RPTOR: variants seen among roughly 807,000 people sequenced by gnomAD.
RPTOR encodes regulatory associated protein of MTOR complex 1.
In RPTOR, 21 loss-of-function variants were observed where a neutral mutation model predicts 169.9. That is an observed-to-expected ratio of 0.12 (90% confidence interval 0.09 to 0.18). The LOEUF is 0.18. RPTOR is among the 10% of genes least tolerant of loss of function. The pLI is 1.00. For missense variants in RPTOR, 1,133 were observed against 1,855.9 expected, an observed-to-expected ratio of 0.61 and a Z score of 7.16; for synonymous variants, 732 against 753.2, an observed-to-expected ratio of 0.97 and a Z score of 0.46.
chr17:80,899,763 C>T (rs34030809), intron 20 of RPTOR, among the ~76,000 whole-genome samples: 1 of 152,174 alleles, frequency 6.6e-6, no homozygotes, highest in Non-Finnish European at 1.5e-5. Context: ...TTGAATTTTG[C>T]GTAACTTCAC....
Position 80,820,232 on chromosome 17 carries a change from C to G in RPTOR, c.891-1969C>G, listed in dbSNP as rs9895510. ...GGGCAGGCAGCGCTCGGTGACAGTC[C>G]TGCAGCTTGAAAGAGGCGGTGTTTT... is the stretch of plus-strand genomic sequence containing the variant. On this transcript the variant is annotated intron_variant, in intron 7 of 33. Coordinates refer to ENST00000306801, the MANE Select transcript of RPTOR (RefSeq NM_020761.3). This position sits in a 1 kb window ranked among gnomAD's most constrained non-coding sequence, Gnocchi z 4.1. Among the ~76,000 whole-genome samples the G allele has an allele frequency of 0.16, 24,108 of 151,508 alleles. 2,002 individuals are homozygous for G. The highest frequency in any genetic ancestry group is 0.22 in the Middle Eastern group (64 of 290).
intron 13 of RPTOR, among the ~76,000 whole-genome samples, chr17:80,859,215 C>A (rs1317445778): frequency 6.6e-6 from 1 of 152,130 alleles, no homozygotes. Flanking sequence ...TGATGGCAGG[C>A]GAGACCCTCG....
intron 1 of RPTOR, among the ~76,000 whole-genome samples, chr17:80,577,769 G>A (rs1245233705): frequency 3.9e-5 from 6 of 152,184 alleles, no homozygotes; most frequent in East Asian, 3.9e-4. Context: ...CATTCTCTTC[G>A]AAGGGCCTTG....
At chr17:80,951,446 G>A (rs969823441) in intron 28 of RPTOR, among the ~76,000 whole-genome samples, 3 of 152,186 alleles carry the variant, frequency 2.0e-5, no homozygotes, top group African/African-American at 7.2e-5. Context: ...GTCAGAGAAC[G>A]AGGCTCTCAC....
At chr17:80,817,625 G>C (rs1272278843) in intron 7 of RPTOR, among the ~76,000 whole-genome samples, 1 of 152,134 alleles carries the variant, frequency 6.6e-6, no homozygotes, top group Non-Finnish European at 1.5e-5. Context: ...ACAGGGAGCC[G>C]GGCAGGTCCG....
At chr17:80,554,539 C>T (rs1027225794) in intron 1 of RPTOR, among the ~76,000 whole-genome samples, 5 of 151,912 alleles carry the variant, frequency 3.3e-5, no homozygotes, top group Non-Finnish European at 7.4e-5. Context: ...GTCAGGAGAT[C>T]AAGACCATCC....
Position 80,960,325 on chromosome 17 carries a change from G to A in RPTOR, c.3605+120G>A, listed in dbSNP as rs1209562346. 9.5e-6 allele frequency: 13 copies of A among 1,368,602 alleles called. No homozygotes were observed. Among genetic ancestry groups the A allele is most frequent in the Non-Finnish European group, 1.2e-5 (12 of 995,296 alleles). 84.8% of individuals were successfully genotyped at this position (1,368,602 alleles called of 1,614,324 possible). A position where few individuals can be genotyped will look rare whatever the true frequency, so the allele number is the denominator to read the frequency against. Reference sequence around the variant, plus strand: ...CTCAGTGAGATGCAAAGCTTCCCCAGGAGCCTGCAGTGGCGTATTTAGGCC... The same window carrying A: ...CTCAGTGAGATGCAAAGCTTCCCCAAGAGCCTGCAGTGGCGTATTTAGGCC... On this transcript the variant is annotated intron_variant, in intron 30 of 33. Coordinates refer to ENST00000306801, the MANE Select transcript of RPTOR (RefSeq NM_020761.3). The surrounding 1 kb of genome is among the most constrained non-coding windows in gnomAD (Gnocchi z 4.8).
Position 80,736,290 on chromosome 17 carries a change from C to G in RPTOR, c.654+5584C>G, listed in dbSNP as rs1360403388. Among the ~76,000 whole-genome samples the G allele has an allele frequency of 3.9e-5, 6 of 152,148 alleles. No homozygotes were observed. In the East Asian group the frequency reaches 1.2e-3, roughly 29 times the overall value. ...CGAGTAACTCGTGTTTGTGTGGTGT[C>G]TCTAAACACAATTGTGTGGTCCAGT... On this transcript the variant is annotated intron_variant, in intron 5 of 33. Coordinates refer to ENST00000306801, the MANE Select transcript of RPTOR (RefSeq NM_020761.3).
rs533608881 is a variant in RPTOR at position 80,965,167 on chromosome 17, C to T, written c.*837C>T. On this transcript the variant is annotated 3_prime_UTR_variant, in exon 34 of 34. Coordinates refer to ENST00000306801, the MANE Select transcript of RPTOR (RefSeq NM_020761.3). ...GAAGGGCTGCTCTTCCCCACAGGCG[C>T]GGGGACAGCAGCCCGACCTGTGGTC... 77 of 233,304 alleles carry T rather than the reference C, an allele frequency of 3.3e-4. No homozygotes were observed. Among genetic ancestry groups the T allele is most frequent in the African/African-American group, 1.6e-3 (74 of 45,468 alleles). 14.5% of individuals were successfully genotyped at this position (233,304 alleles called of 1,614,324 possible). A position where few individuals can be genotyped will look rare whatever the true frequency, so the allele number is the denominator to read the frequency against.
intron 6 of RPTOR, among the ~76,000 whole-genome samples, chr17:80,768,183 C>T (rs188472314): frequency 1.2e-3 from 188 of 152,208 alleles, no homozygotes; most frequent in African/African-American, 4.3e-3. Flanking sequence ...TTTTTAAGAG[C>T]AGCTTGCCTT....
At chr17:80,637,602 G>A (rs1009765769) in intron 2 of RPTOR, among the ~76,000 whole-genome samples, 3 of 152,214 alleles carry the variant, frequency 2.0e-5, no homozygotes, top group Admixed American at 6.5e-5. Flanking sequence ...AGAGCTGCGC[G>A]TGCCCCACTC....
intron 20 of RPTOR, among the ~76,000 whole-genome samples, chr17:80,903,043 A>G (rs1468623075): frequency 1.3e-5 from 2 of 152,238 alleles, no homozygotes; most frequent in African/African-American, 4.8e-5. Flanking sequence ...CGACTCTGCT[A>G]GATACGGTGA....
At chr17:80,743,557 C>A in intron 5 of RPTOR, 1 of 540,834 alleles carries the variant, frequency 1.8e-6, no homozygotes, top group Non-Finnish European at 2.4e-6. Context: ...GGGAAAGGTG[C>A]CTGCGTGGGC....
intron 9 of RPTOR, among the ~76,000 whole-genome samples, chr17:80,829,627 A>T (rs1490402457): frequency 6.6e-6 from 1 of 152,092 alleles, no homozygotes; most frequent in South Asian, 2.1e-4. Context: ...GGCTCCCAGC[A>T]TGGGGGGCGG....
intron 1 of RPTOR, among the ~76,000 whole-genome samples, chr17:80,579,012 C>T (rs1329053540): frequency 1.3e-5 from 2 of 152,138 alleles, no homozygotes; most frequent in African/African-American, 4.8e-5. Flanking sequence ...ACTCTCCTTA[C>T]TTGCTTTGTC....
At chr17:80,874,172 G>A (rs1317959225) in intron 13 of RPTOR, among the ~76,000 whole-genome samples, 7 of 151,968 alleles carry the variant, frequency 4.6e-5, no homozygotes, top group Non-Finnish European at 7.4e-5. Context: ...CACTGTAGAC[G>A]TGGGTATGTC....
chr17:80,944,760 G>A (rs948331561), intron 25 of RPTOR, among the ~76,000 whole-genome samples: 2 of 152,206 alleles, frequency 1.3e-5, no homozygotes, highest in Non-Finnish European at 2.9e-5. Flanking sequence ...AGAAGCCAAG[G>A]TGGATGGATC....
intron 4 of RPTOR, among the ~76,000 whole-genome samples, chr17:80,727,312 G>A (rs1435037683): frequency 7.0e-6 from 1 of 142,182 alleles, no homozygotes; most frequent in Non-Finnish European, 1.5e-5. Flanking sequence ...ATCATGCTCC[G>A]AGAACGTGGA....
intron 1 of RPTOR, among the ~76,000 whole-genome samples, chr17:80,580,589 T>C (rs755932418): frequency 6.6e-6 from 1 of 152,216 alleles, no homozygotes; most frequent in Non-Finnish European, 1.5e-5. Flanking sequence ...CGTCCACTTG[T>C]AAGTAAAACA....
Sources: allele counts gnomAD v4.1 joint callset (sites outside exome capture counted in the v4.1 genomes callset), GRCh38; gene constraint gnomAD v4.1.1; non-coding constraint Gnocchi (gnomAD v3.1); transcripts MANE v1.5; gene names NCBI Gene and HGNC (gene_info 2026-07-23, HGNC 2026-07-21).